RBM20: variants seen among roughly 807,000 people sequenced by gnomAD.
The protein encoded by RBM20 is RNA binding motif protein 20.
In RBM20, 51 loss-of-function variants were observed where a neutral mutation model predicts 110.1. That is an observed-to-expected ratio of 0.46 (90% CI 0.37 to 0.59). RBM20 has a LOEUF of 0.59. Ranked by LOEUF, RBM20 falls within the 20% of genes least tolerant of loss-of-function variation. RBM20 has a pLI of 0.00. For missense variants in RBM20, 1,512 were observed against 1,574.9 expected (o/e 0.96, Z 0.68); for synonymous variants, 589 against 618.2 (o/e 0.95, Z 0.70).
At chr10:110,655,531 A>C (rs1223145957) in intron 1 of RBM20, among the ~76,000 whole-genome samples, 1 of 152,208 alleles carries the variant, frequency 6.6e-6, no homozygotes, top group South Asian at 2.1e-4. Context: ...AACTTCCACC[A>C]GACCATTTTT....
intron 1 of RBM20, among the ~76,000 whole-genome samples, chr10:110,680,802 C>G (rs1862412840): frequency 6.6e-6 from 1 of 152,124 alleles, no homozygotes; most frequent in African/African-American, 2.4e-5. Context: ...AGGTGCTTCT[C>G]GAGGGTCCGT....
intron 12 of RBM20, among the ~76,000 whole-genome samples, chr10:110,824,249 C>T (rs907740023): frequency 3.3e-5 from 5 of 152,172 alleles, no homozygotes; most frequent in African/African-American, 1.2e-4. Flanking sequence ...TTTATTCAGG[C>T]AGGAAAGCAG....
At chr10:110,708,578 T>G (rs1862876656) in intron 1 of RBM20, among the ~76,000 whole-genome samples, 1 of 152,154 alleles carries the variant, frequency 6.6e-6, no homozygotes. Context: ...ACAGGTGAAA[T>G]AAAACCTTAT....
intron 1 of RBM20, among the ~76,000 whole-genome samples, chr10:110,687,506 T>G (rs1180369814): frequency 6.6e-6 from 1 of 152,242 alleles, no homozygotes; most frequent in Non-Finnish European, 1.5e-5. Context: ...TGGGAAAAAG[T>G]AAATCTAAAC....
chr10:110,647,724 T>A (rs1429023603), intron 1 of RBM20, among the ~76,000 whole-genome samples: 1 of 152,232 alleles, frequency 6.6e-6, no homozygotes, highest in Non-Finnish European at 1.5e-5. Context: ...TTACAATGTT[T>A]TATTTTTAAA....
intron 1 of RBM20, among the ~76,000 whole-genome samples, chr10:110,736,954 C>A (rs897204146): frequency 2.0e-5 from 3 of 151,812 alleles, no homozygotes; most frequent in African/African-American, 7.3e-5. Flanking sequence ...GTGAGCAGAT[C>A]TCCTGAGGTC....
chr10:110,644,459 T>C lies in RBM20; in HGVS notation c.5T>C (p.Val2Ala), dbSNP rs996172004. M[V>A]LAAAMSQDAD... Reference sequence around the variant, plus strand: ...CCCGGGCGGGTCTCGCCCCGCATGGTGCTGGCAGCAGCCATGAGCCAGGAC... The same window carrying C: ...CCCGGGCGGGTCTCGCCCCGCATGGCGCTGGCAGCAGCCATGAGCCAGGAC... The change falls in exon 1 of 14, where the codon GTG (valine) becomes GCG (alanine). Residue 2 changes from valine to alanine, a missense_variant. By Grantham distance (64) the Val-to-Ala change is moderately conservative. This residue lies in a region of RBM20 where 1,149 missense variants were observed against 1,169.4 expected (regional missense o/e 0.98). Coordinates refer to ENST00000369519, the MANE Select transcript of RBM20 (RefSeq NM_001134363.3). The surrounding 1 kb of genome is among the most constrained non-coding windows in gnomAD (Gnocchi z 4.3). The C allele has an allele frequency of 2.4e-5, 36 of 1,510,190 alleles. No homozygotes were observed. Among genetic ancestry groups the C allele is most frequent in the Non-Finnish European group, 2.9e-5 (33 of 1,134,364 alleles). The allele number at this position is 1,510,190 out of a possible 1,614,324, so 93.5% of individuals were successfully genotyped here. A position where few individuals can be genotyped will look rare whatever the true frequency, so the allele number is the denominator to read the frequency against.
In RBM20 at chr10:110,739,989, G is replaced by C. The variant is rs2134966511; in HGVS notation, c.192-40812G>C. 6.6e-6 allele frequency among the ~76,000 whole-genome samples: 1 copy of C among 152,298 alleles called. No individual in the cohort carries two copies. The highest frequency in any genetic ancestry group is 3.4e-3 in the Middle Eastern group (1 of 294). ...CCTCCTTCTCCAAGTGCCCAGACCT[G>C]CTCCAGCTGCCCCTGATACTCAGCA... On this transcript the variant is annotated intron_variant, in intron 1 of 13. Transcript: ENST00000369519. The surrounding 1 kb of genome is among the most constrained non-coding windows in gnomAD (Gnocchi z 4.1).
chr10:110,818,100 T>C (rs901071502), intron 9 of RBM20, among the ~76,000 whole-genome samples: 80 of 144,122 alleles, frequency 5.6e-4, no homozygotes, highest in Non-Finnish European at 8.6e-4. Context: ...GCCAACATGG[T>C]GAAACCCTGT....
At chr10:110,743,208 CT>C (rs1450009579) in intron 1 of RBM20, among the ~76,000 whole-genome samples, 1 of 152,146 alleles carries the variant, frequency 6.6e-6, no homozygotes, top group Non-Finnish European at 1.5e-5. Context: ...AAAAAAAAGG[CT>C]TATGAGCTTA....
At chr10:110,810,357 G>A (rs1311252738) in intron 7 of RBM20, 26 bp from the exon 8 acceptor site, 1 of 1,535,280 alleles carries the variant, frequency 6.5e-7, no homozygotes, top group Non-Finnish European at 8.8e-7. Context: ...TCTCTGATCT[G>A]ATGGTGATCT....
intron 1 of RBM20, among the ~76,000 whole-genome samples, chr10:110,656,866 A>G (rs1427294262): frequency 1.3e-5 from 2 of 152,158 alleles, no homozygotes; most frequent in Non-Finnish European, 2.9e-5. Flanking sequence ...TTCTTTGTCC[A>G]TTCATCTATT....
chr10:110,802,112 ATT>A (rs1453402847), intron 7 of RBM20, among the ~76,000 whole-genome samples: 3 of 152,158 alleles, frequency 2.0e-5, no homozygotes, highest in Non-Finnish European at 4.4e-5. Context: ...CTACTGTTCC[ATT>A]TAATAGGGAT....
At chr10:110,646,329 A>G (rs1048170498) in intron 1 of RBM20, among the ~76,000 whole-genome samples, 5 of 152,244 alleles carry the variant, frequency 3.3e-5, no homozygotes, top group Admixed American at 3.3e-4. Context: ...CATTTAAAGT[A>G]TATTTTATTT....
upstream of RBM20, among the ~76,000 whole-genome samples, chr10:110,643,614 C>T (rs1025980620): frequency 2.0e-5 from 3 of 152,228 alleles, no homozygotes; most frequent in Admixed American, 6.5e-5. Context: ...TCTTTGCGCT[C>T]GTGGGGTCGT....
intron 13 of RBM20, chr10:110,835,639 C>T: frequency 2.6e-6 from 1 of 379,952 alleles, no homozygotes; most frequent in East Asian, 4.8e-5. Flanking sequence ...TCGGCCTGTA[C>T]TTTCTACATT....
chr10:110,677,343 CAG>C (rs1157074710), intron 1 of RBM20, among the ~76,000 whole-genome samples: 2 of 150,952 alleles, frequency 1.3e-5, no homozygotes, highest in Admixed American at 6.6e-5. Context: ...TTTTGAGACA[CAG>C]TCTAGCTCTG....
At chr10:110,772,657 A>G (rs543084589) in intron 1 of RBM20, among the ~76,000 whole-genome samples, 67 of 152,334 alleles carry the variant, frequency 4.4e-4, no homozygotes, top group South Asian at 2.1e-4. Context: ...TGTTCGCATG[A>G]CAAAATTGCC....
chr10:110,825,550 G>A lies in RBM20; in HGVS notation c.3451+1936G>A, dbSNP rs532546595. Among the ~76,000 whole-genome samples the A allele has an allele frequency of 9.2e-5, 14 of 152,310 alleles. No individual in the cohort carries two copies. The South Asian group carries it at 2.5e-3, about 27-fold the overall frequency. On this transcript the variant is annotated intron_variant, in intron 12 of 13. Transcript: ENST00000369519. Reference sequence around the variant, plus strand: ...TGCCCAGTTTTTCTCTCACAAAAATGGGATCACACTACACACATAATGTTC... The same window carrying A: ...TGCCCAGTTTTTCTCTCACAAAAATAGGATCACACTACACACATAATGTTC...
Sources: gnomAD v4.1 joint callset for allele counts (sites outside exome capture counted in the v4.1 genomes callset) on GRCh38, gnomAD v4.1.1 for gene constraint, gnomAD v4.1.1 regional missense constraint, Gnocchi (gnomAD v3.1) non-coding constraint, MANE v1.5 for transcripts, NCBI Gene and HGNC (gene_info 2026-07-23, HGNC 2026-07-21) for gene names.